The following RARB variants were observed in gnomAD, a reference collection of about 807,000 sequenced individuals.
The protein encoded by RARB is retinoic acid receptor beta.
A neutral mutation model predicts 51.9 loss-of-function variants in RARB; 17 were observed. The observed-to-expected ratio is 0.33, with a 90% CI of 0.22 to 0.49. The LOEUF (loss-of-function observed/expected upper bound fraction) is 0.49. Ranked by LOEUF, RARB falls within the 20% of genes least tolerant of loss-of-function variation. The pLI is 0.99. For missense variants in RARB, 369 were observed against 550.8 expected, an observed-to-expected ratio of 0.67 and a Z score of 3.30; for synonymous variants, 215 against 195.4, an observed-to-expected ratio of 1.10 and a Z score of -0.84.
chr3:25,259,821 A>T (rs892275908), intron 5 of RARB: 30 of 771,804 alleles, frequency 3.9e-5, no homozygotes, highest in Non-Finnish European at 4.7e-5. Context: ...CTTCCTCAGT[A>T]AAGTCAGAGC....
intron 3 of RARB, among the ~76,000 whole-genome samples, chr3:25,526,508 G>GGAGTTAA (rs1330743624): frequency 6.6e-6 from 1 of 152,182 alleles, no homozygotes; most frequent in Non-Finnish European, 1.5e-5. Context: ...AAAGCATAAT[G>GGAGTTAA]ATGGCTTGGA....
chr3:25,129,026 G>A (rs1699903415), intron 3 of RARB, among the ~76,000 whole-genome samples: 1 of 152,062 alleles, frequency 6.6e-6, no homozygotes, highest in Admixed American at 6.6e-5. Flanking sequence ...AAGTTCTAAT[G>A]AGAAACAGCC....
chr3:24,976,214 G>A (rs1696508953), intron 2 of RARB, among the ~76,000 whole-genome samples: 1 of 152,152 alleles, frequency 6.6e-6, no homozygotes, highest in Non-Finnish European at 1.5e-5. Context: ...ATTGTGAATA[G>A]TGCTGCCATG....
intron 3 of RARB, among the ~76,000 whole-genome samples, chr3:25,552,590 A>C (rs1414573300): frequency 6.6e-6 from 1 of 152,138 alleles, no homozygotes; most frequent in African/African-American, 2.4e-5. Context: ...TGGGCACCCC[A>C]AATCTCTTAG....
At chr3:25,332,335 G>A (rs1350395199) in intron 5 of RARB, among the ~76,000 whole-genome samples, 1 of 152,202 alleles carries the variant, frequency 6.6e-6, no homozygotes, top group East Asian at 1.9e-4. Context: ...CCACGATCAA[G>A]TTGGCTTCAT....
At chr3:25,545,651 T>C (rs970697002) in intron 3 of RARB, among the ~76,000 whole-genome samples, 8 of 152,136 alleles carry the variant, frequency 5.3e-5, no homozygotes, top group African/African-American at 1.7e-4. Flanking sequence ...CCTCTCTGCA[T>C]TGTTCCTGTC....
intron 5 of RARB, among the ~76,000 whole-genome samples, chr3:25,244,150 G>A (rs919685607): frequency 5.9e-5 from 9 of 152,010 alleles, no homozygotes; most frequent in African/African-American, 2.2e-4. Context: ...TGGGATCAGT[G>A]GTGATATCCC....
chr3:25,014,212 T>C (rs1697460208), intron 2 of RARB, among the ~76,000 whole-genome samples: 1 of 152,144 alleles, frequency 6.6e-6, no homozygotes, highest in Non-Finnish European at 1.5e-5. Context: ...CTATGTCTCT[T>C]TTCCCACCAA....
chr3:25,178,803 T>A (rs1184539613), intron 5 of RARB, among the ~76,000 whole-genome samples: 2 of 152,182 alleles, frequency 1.3e-5, no homozygotes, highest in Admixed American at 1.3e-4. Context: ...GAGCCTGATA[T>A]GCTATGCCAG....
chr3:25,212,397 A>T (rs185468698), intron 5 of RARB, among the ~76,000 whole-genome samples: 1 of 152,224 alleles, frequency 6.6e-6, no homozygotes, highest in African/African-American at 2.4e-5. Context: ...AGGTGGGCAG[A>T]TCACAAGGTC....
At chr3:25,218,162 A>G (rs73042350) in intron 5 of RARB, among the ~76,000 whole-genome samples, 13,246 of 152,246 alleles carry the variant, frequency 0.087, 752 homozygotes, top group Non-Finnish European at 0.13. Context: ...CCTTAGCTAC[A>G]GTGCTGTGGG....
chr3:25,002,438 T>C (rs1304676619), intron 2 of RARB, among the ~76,000 whole-genome samples: 3 of 152,180 alleles, frequency 2.0e-5, no homozygotes, highest in Non-Finnish European at 4.4e-5. Flanking sequence ...ATGACAGTCA[T>C]ACAGCCAACA....
chr3:25,463,303 G>A (rs1358029240), intron 2 of RARB, among the ~76,000 whole-genome samples: 1 of 152,138 alleles, frequency 6.6e-6, no homozygotes, highest in Non-Finnish European at 1.5e-5. Context: ...AACACAAAGT[G>A]GTTGGGGACC....
At chr3:25,441,400 TC>T in intron 1 of RARB, 1 of 219,086 alleles carries the variant, frequency 4.6e-6, no homozygotes, top group South Asian at 6.2e-5. Flanking sequence ...AGTACCCCAG[TC>T]CCAGGCCTGT....
At chr3:25,350,153 C>T (rs1458993900) in intron 5 of RARB, among the ~76,000 whole-genome samples, 3 of 152,156 alleles carry the variant, frequency 2.0e-5, no homozygotes, top group African/African-American at 7.2e-5. Context: ...CCATTACATT[C>T]TGCTGGTTAA....
intron 1 of RARB, among the ~76,000 whole-genome samples, chr3:24,838,049 T>G (rs151253400): frequency 1.5e-3 from 230 of 152,340 alleles, no homozygotes; most frequent in African/African-American, 5.3e-3. Flanking sequence ...TTTGTTCAAG[T>G]TGTTGGCAGA....
chr3:25,409,092 G>A (rs1396649240), intron 5 of RARB, among the ~76,000 whole-genome samples: 1 of 152,180 alleles, frequency 6.6e-6, no homozygotes, highest in Non-Finnish European at 1.5e-5. Context: ...GCTCAAGTAT[G>A]ACAGTGCCAA....
intron 2 of RARB, among the ~76,000 whole-genome samples, chr3:24,987,570 A>AT (rs1222675512): frequency 2.6e-5 from 4 of 152,246 alleles, no homozygotes; most frequent in Non-Finnish European, 4.4e-5. Context: ...AATATATTCC[A>AT]TTTTTTAAGA....
chr3:25,296,420 G>A (rs915923461), intron 5 of RARB, among the ~76,000 whole-genome samples: 22 of 152,144 alleles, frequency 1.4e-4, no homozygotes, highest in Non-Finnish European at 2.4e-4. Context: ...CTGGGAACTC[G>A]GGCAAATTAT....
Sources: gnomAD v4.1 joint callset for allele counts (sites outside exome capture counted in the v4.1 genomes callset) on GRCh38, gnomAD v4.1.1 for gene constraint, MANE v1.5 for transcripts, NCBI Gene and HGNC (gene_info 2026-07-23, HGNC 2026-07-21) for gene names.